OPCML: variants seen among roughly 807,000 people sequenced by gnomAD.
The protein encoded by OPCML is opioid binding protein/cell adhesion molecule like.
A neutral mutation model predicts 37.8 loss-of-function variants in OPCML; 13 were observed. The ratio of observed to expected loss-of-function variants is 0.34; its 90% CI spans 0.22 to 0.55. The LOEUF is 0.55. OPCML is among the 20% of genes least tolerant of loss of function. The pLI is 0.91. For missense variants in OPCML, 341 were observed against 435.6 expected (o/e 0.78, Z 1.93); for synonymous variants, 176 against 168.8 (o/e 1.04, Z -0.33).
intron 1 of OPCML, chr11:133,300,667 G>GT (rs1238227867): frequency 6.6e-6 from 1 of 152,166 alleles, no homozygotes; most frequent in Non-Finnish European, 1.5e-5. Flanking sequence ...ACATCGTTTT[G>GT]TATGAGGAGA....
chr11:133,084,209 C>G (rs1591986953), intron 1 of OPCML, among the ~76,000 whole-genome samples: 1 of 152,124 alleles, frequency 6.6e-6, no homozygotes, highest in African/African-American at 2.4e-5. Flanking sequence ...GAACAAACAA[C>G]TAGTAAGTGG....
chr11:133,128,618 C>T (rs1949556242), intron 1 of OPCML, among the ~76,000 whole-genome samples: 1 of 152,154 alleles, frequency 6.6e-6, no homozygotes, highest in Non-Finnish European at 1.5e-5. Context: ...TCCGAAGGAG[C>T]CTCAGATGCC....
intron 2 of OPCML, among the ~76,000 whole-genome samples, chr11:132,737,838 A>T (rs1295450613): frequency 2.0e-5 from 3 of 152,226 alleles, no homozygotes; most frequent in African/African-American, 7.2e-5. Context: ...GAAATGGGAA[A>T]GAAGAGAAAG....
chr11:133,260,210 T>G (rs1389065271), intron 1 of OPCML, among the ~76,000 whole-genome samples: 1 of 151,524 alleles, frequency 6.6e-6, no homozygotes, highest in East Asian at 1.9e-4. Context: ...AGCCGTGCAT[T>G]GGGGCCAGTG....
intron 1 of OPCML, among the ~76,000 whole-genome samples, chr11:133,312,929 A>G (rs1943100970): frequency 6.6e-6 from 1 of 152,212 alleles, no homozygotes; most frequent in Non-Finnish European, 1.5e-5. Flanking sequence ...ATGCTTTCAT[A>G]ATGTCCTATT....
intron 1 of OPCML, among the ~76,000 whole-genome samples, chr11:133,125,222 C>T (rs777383800): frequency 1.3e-5 from 2 of 152,130 alleles, no homozygotes; most frequent in Non-Finnish European, 2.9e-5. Flanking sequence ...ATTATATAGA[C>T]TTGCATCCAT....
At chr11:133,513,496 C>G (rs1306346139) in intron 1 of OPCML, among the ~76,000 whole-genome samples, 1 of 152,218 alleles carries the variant, frequency 6.6e-6, no homozygotes, top group Non-Finnish European at 1.5e-5. Context: ...AAACCCAACT[C>G]AAATGTCATC....
intron 2 of OPCML, among the ~76,000 whole-genome samples, chr11:132,830,171 A>G (rs1019575608): frequency 6.6e-6 from 1 of 152,038 alleles, no homozygotes; most frequent in African/African-American, 2.4e-5. Context: ...ATATTCATCA[A>G]TTTAGCCTAT....
At chr11:133,095,565 C>T (rs1948987926) in intron 1 of OPCML, among the ~76,000 whole-genome samples, 1 of 145,840 alleles carries the variant, frequency 6.9e-6, no homozygotes, top group Non-Finnish European at 1.5e-5. Flanking sequence ...TAAATCTTAC[C>T]TATTTAAAGT....
At chr11:132,987,860 C>T (rs1186486752) in intron 1 of OPCML, among the ~76,000 whole-genome samples, 2 of 152,184 alleles carry the variant, frequency 1.3e-5, no homozygotes, top group African/African-American at 4.8e-5. Context: ...ATTTTCTTCT[C>T]ATAGTCCACT....
rs1197535407 is a variant in OPCML at position 133,472,593 on chromosome 11, C to T, written c.61+59671G>A. ...CGAGGAGCTCTCAGGGCCACATCAC[C>T]TGGGCTCAACAGGGTATCTTGCTGA... On this transcript the variant is annotated intron_variant, in intron 1 of 7. Coordinates refer to ENST00000524381, the MANE Select transcript of OPCML (RefSeq NM_001012393.5). Among the ~76,000 whole-genome samples the T allele has an allele frequency of 3.3e-5, 5 of 151,942 alleles. No homozygotes were observed. The East Asian group carries it at 9.8e-4, about 30-fold the overall frequency.
At chr11:132,621,575 A>G (rs1293059779) in intron 3 of OPCML, among the ~76,000 whole-genome samples, 2 of 152,232 alleles carry the variant, frequency 1.3e-5, no homozygotes, top group East Asian at 1.9e-4. Flanking sequence ...ATCCATTTAT[A>G]TGAAGCTGAG....
intron 4 of OPCML, among the ~76,000 whole-genome samples, chr11:132,525,077 T>C (rs1031552863): frequency 6.6e-6 from 1 of 152,184 alleles, no homozygotes; most frequent in Non-Finnish European, 1.5e-5. Flanking sequence ...TCTTCAACCA[T>C]TATCATCTCA....
chr11:133,232,149 C>T (rs1430108487), intron 1 of OPCML, among the ~76,000 whole-genome samples: 2 of 152,052 alleles, frequency 1.3e-5, no homozygotes, highest in African/African-American at 4.8e-5. Flanking sequence ...CCCAGACAGA[C>T]CAAAGGCTTT....
chr11:133,229,959 A>C (rs188989232), intron 1 of OPCML, among the ~76,000 whole-genome samples: 1 of 152,322 alleles, frequency 6.6e-6, no homozygotes, highest in Non-Finnish European at 1.5e-5. Context: ...GTATGCACGT[A>C]TTCTCACTTA....
chr11:132,519,172 T>C (rs996940883), intron 4 of OPCML, among the ~76,000 whole-genome samples: 14 of 152,208 alleles, frequency 9.2e-5, no homozygotes, highest in African/African-American at 3.4e-4. Context: ...TTGTTTGTTG[T>C]AAGATGTGTT....
intron 3 of OPCML, among the ~76,000 whole-genome samples, chr11:132,549,791 C>T (rs144247591): frequency 2.5e-4 from 38 of 152,274 alleles, no homozygotes; most frequent in African/African-American, 8.9e-4. Flanking sequence ...CAGCCTTCCC[C>T]ATGTGCTATA....
intron 1 of OPCML, among the ~76,000 whole-genome samples, chr11:132,996,523 A>T (rs574364646): frequency 1.3e-5 from 2 of 151,820 alleles, no homozygotes; most frequent in East Asian, 3.9e-4. Context: ...GAGACAAAAG[A>T]ATCGCTTGAA....
intron 4 of OPCML, among the ~76,000 whole-genome samples, chr11:132,501,013 A>G (rs548468097): frequency 6.6e-6 from 1 of 152,338 alleles, no homozygotes; most frequent in Non-Finnish European, 1.5e-5. Flanking sequence ...TGCAATAAAC[A>G]TGCATGTGCA....
Sources: gnomAD v4.1 joint callset for allele counts (sites outside exome capture counted in the v4.1 genomes callset) on GRCh38, gnomAD v4.1.1 for gene constraint, MANE v1.5 for transcripts, NCBI Gene and HGNC (gene_info 2026-07-23, HGNC 2026-07-21) for gene names.